Variants in KCND3 observed in about 807,000 individuals in gnomAD.
The protein encoded by KCND3 is A-type voltage-gated potassium channel KCND3.
Under a neutral mutation model 51.1 loss-of-function variants are expected in KCND3, and 9 were observed. That is an observed-to-expected ratio of 0.18 (90% CI 0.11 to 0.31). The LOEUF (loss-of-function observed/expected upper bound fraction) is 0.31. Ranked by LOEUF, KCND3 falls within the 10% of genes least tolerant of loss-of-function variation. KCND3 has a pLI of 1.00. For synonymous variants in KCND3, 349 were observed against 368.0 expected, an observed-to-expected ratio of 0.95 and a Z score of 0.59; for missense variants, 526 against 903.8, an observed-to-expected ratio of 0.58 and a Z score of 5.36.
At chr1:111,902,383 A>G (rs1265539084) in intron 2 of KCND3, among the ~76,000 whole-genome samples, 1 of 152,224 alleles carries the variant, frequency 6.6e-6, no homozygotes, top group Non-Finnish European at 1.5e-5. Context: ...AAGGAAAGGC[A>G]CCCTGGGACA....
intron 2 of KCND3, among the ~76,000 whole-genome samples, chr1:111,856,498 G>C (rs532864008): frequency 6.6e-6 from 1 of 152,210 alleles, no homozygotes; most frequent in South Asian, 2.1e-4. Flanking sequence ...GTGGTCGCCT[G>C]GTAGCCTCGG....
intron 2 of KCND3, among the ~76,000 whole-genome samples, chr1:111,825,210 T>C (rs1666521303): frequency 6.6e-6 from 1 of 152,180 alleles, no homozygotes; most frequent in African/African-American, 2.4e-5. Flanking sequence ...CTTTGGGAAG[T>C]GGTGGACTAG....
intron 2 of KCND3, among the ~76,000 whole-genome samples, chr1:111,852,558 C>A (rs1465337548): frequency 6.6e-6 from 1 of 152,108 alleles, no homozygotes; most frequent in East Asian, 1.9e-4. Context: ...GAGAGTGAAA[C>A]TGAAATCGAA....
intron 2 of KCND3, among the ~76,000 whole-genome samples, chr1:111,801,567 G>GT (rs1443787003): frequency 2.6e-5 from 4 of 152,204 alleles, no homozygotes; most frequent in Non-Finnish European, 5.9e-5. Context: ...GGTAGCGGTA[G>GT]TGACCAGAGG....
At chr1:111,776,344 C>A in intron 7 of KCND3, 66 bp from the exon 8 acceptor site, 1 of 1,467,482 alleles carries the variant, frequency 6.8e-7, no homozygotes, top group South Asian at 1.2e-5. Flanking sequence ...TTCCTTGACC[C>A]CCTACATTTC....
chr1:111,930,353 C>T (rs1671907339), intron 2 of KCND3, among the ~76,000 whole-genome samples: 2 of 152,332 alleles, frequency 1.3e-5, no homozygotes, highest in South Asian at 2.1e-4. Context: ...AGAGGGCCTT[C>T]GCCGTTTAAT....
At position 111,795,674 on chromosome 1, in the gene KCND3, C is replaced by T. The variant is rs551803022; in HGVS notation, c.1107-8568G>A. On this transcript the variant is annotated intron_variant, in intron 2 of 7. Coordinates refer to ENST00000302127, the MANE Select transcript of KCND3 (RefSeq NM_001378969.1). ...AAAGAACAGCCTCTTTGTGACAGAA[C>T]GATTTATAATCCTTTGGGTATTTAT... Among the ~76,000 whole-genome samples the T allele has an allele frequency of 1.8e-4, 27 of 152,278 alleles. No homozygotes were observed. The South Asian group carries it at 4.1e-3, about 23-fold the overall frequency.
chr1:111,773,480 G>A lies in KCND3; in HGVS notation c.*2597C>T, dbSNP rs537552469. On this transcript the variant is annotated 3_prime_UTR_variant, in exon 8 of 8. Coordinates refer to ENST00000302127, the MANE Select transcript of KCND3 (RefSeq NM_001378969.1). ...TGTGTCACCTGGGCTGGAGTGCAGT[G>A]GTGCAATCACGGCTCACTGCAACCT... is the stretch of plus-strand genomic sequence containing the variant. 1.2e-4 allele frequency: 17 copies of A among 137,228 alleles called. No individual in the cohort carries two copies. The highest frequency in any genetic ancestry group is 4.5e-4 in the African/African-American group (16 of 35,884). 8.5% of individuals were successfully genotyped at this position (137,228 alleles called of 1,614,324 possible).
At chr1:111,965,924 G>A (rs2101945221) in intron 2 of KCND3, among the ~76,000 whole-genome samples, 1 of 152,276 alleles carries the variant, frequency 6.6e-6, no homozygotes, top group South Asian at 2.1e-4. Flanking sequence ...TCTGCTGGGA[G>A]CTGGGTTCCA....
At chr1:111,886,806 C>T (rs1669590796) in intron 2 of KCND3, among the ~76,000 whole-genome samples, 1 of 152,174 alleles carries the variant, frequency 6.6e-6, no homozygotes, top group Admixed American at 6.5e-5. Flanking sequence ...GTGACATGGC[C>T]AGTAGACGGT....
At chr1:111,818,108 G>A (rs1276780109) in intron 2 of KCND3, among the ~76,000 whole-genome samples, 1 of 151,770 alleles carries the variant, frequency 6.6e-6, no homozygotes, top group African/African-American at 2.4e-5. Context: ...TTGCCAGCCA[G>A]GCTTCAGGGC....
rs568088200 is a variant in KCND3, at chr1:111,809,005, G to A, written c.1107-21899C>T. Among the ~76,000 whole-genome samples the A allele has an allele frequency of 2.4e-4, 36 of 152,326 alleles. No homozygotes were observed. In the South Asian group the frequency reaches 7.5e-3, roughly 32 times the overall value. Reference sequence around the variant, plus strand: ...TCATCTCAGACCCCTGGCCAGACCAGGGCCAGTGACCTGTCTCCCTTTAAA... The same window carrying A: ...TCATCTCAGACCCCTGGCCAGACCAAGGCCAGTGACCTGTCTCCCTTTAAA... On this transcript the variant is annotated intron_variant, in intron 2 of 7. Coordinates refer to ENST00000302127, the MANE Select transcript of KCND3 (RefSeq NM_001378969.1).
chr1:111,818,956 G>A (rs1393013589), intron 2 of KCND3, among the ~76,000 whole-genome samples: 1 of 152,184 alleles, frequency 6.6e-6, no homozygotes, highest in Non-Finnish European at 1.5e-5. Context: ...TCCCTGAGGA[G>A]AGAAGTAGCT....
At chr1:111,885,668 A>G (rs1557998989) in intron 2 of KCND3, among the ~76,000 whole-genome samples, 1 of 151,336 alleles carries the variant, frequency 6.6e-6, no homozygotes, top group Admixed American at 6.6e-5. Context: ...ACCCTGTTAC[A>G]TTTTGTGATT....
intron 2 of KCND3, among the ~76,000 whole-genome samples, chr1:111,932,085 A>T (rs182468690): frequency 2.0e-5 from 3 of 152,292 alleles, no homozygotes; most frequent in Admixed American, 2.0e-4. Context: ...AGTCCTTCTC[A>T]GATTGCACCA....
chr1:111,867,793 A>G (rs529077347), intron 2 of KCND3, among the ~76,000 whole-genome samples: 1 of 152,376 alleles, frequency 6.6e-6, no homozygotes, highest in South Asian at 2.1e-4. Context: ...GGAACTTGGA[A>G]GAAACCCTTC....
chr1:111,893,281 TG>T (rs899010023), intron 2 of KCND3, among the ~76,000 whole-genome samples: 2 of 152,250 alleles, frequency 1.3e-5, no homozygotes, highest in Middle Eastern at 6.8e-3. Flanking sequence ...AGAGGGAATG[TG>T]GGGTCTGGGA....
intron 2 of KCND3, among the ~76,000 whole-genome samples, chr1:111,827,564 T>C (rs1666633113): frequency 1.3e-5 from 2 of 152,218 alleles, no homozygotes; most frequent in Non-Finnish European, 2.9e-5. Flanking sequence ...CTAACTTATA[T>C]TGAGCAGTAA....
chr1:111,945,466 C>T (rs1238495407), intron 2 of KCND3, among the ~76,000 whole-genome samples: 1 of 152,154 alleles, frequency 6.6e-6, no homozygotes, highest in Non-Finnish European at 1.5e-5. Context: ...TATGGCCTAC[C>T]CCCATTAACC....
Sources: gnomAD v4.1 joint callset for allele counts (sites outside exome capture counted in the v4.1 genomes callset) on GRCh38, gnomAD v4.1.1 for gene constraint, MANE v1.5 for transcripts, NCBI Gene and HGNC (gene_info 2026-07-23, HGNC 2026-07-21) for gene names.